Variants in SMYD3 observed in about 807,000 individuals in gnomAD.
SMYD3 encodes the protein histone-lysine N-methyltransferase SMYD3.
In SMYD3, 36 loss-of-function variants were observed where a neutral mutation model predicts 57.7. The observed-to-expected ratio is 0.62, with a 90% confidence interval of 0.48 to 0.82. The LOEUF (loss-of-function observed/expected upper bound fraction) is 0.82. SMYD3 is among the 40% of genes least tolerant of loss of function. The pLI is 0.00. For synonymous variants in SMYD3, 211 were observed against 195.0 expected (o/e 1.08, Z -0.68); for missense variants, 515 against 538.8 (o/e 0.96, Z 0.44).
intron 1 of SMYD3, among the ~76,000 whole-genome samples, chr1:246,486,531 T>G (rs112916470): frequency 0.016 from 2,468 of 152,304 alleles, 75 homozygotes; most frequent in African/African-American, 0.056. Flanking sequence ...TATAATGCTC[T>G]GGATTAAGTC....
intron 1 of SMYD3, among the ~76,000 whole-genome samples, chr1:246,395,640 CCA>C (rs1295229617): frequency 3.6e-4 from 13 of 35,734 alleles, no homozygotes; most frequent in African/African-American, 1.4e-3. Context: ...GACGAACACA[CCA>C]CAGTCAGACA....
At chr1:246,094,114 G>T (rs11580428) in intron 5 of SMYD3, among the ~76,000 whole-genome samples, 6 of 152,122 alleles carry the variant, frequency 3.9e-5, no homozygotes, top group African/African-American at 1.2e-4. Flanking sequence ...TACTCCAGCC[G>T]CTGTCATGGG....
chr1:245,830,298 G>A (rs1290173133), intron 10 of SMYD3, among the ~76,000 whole-genome samples: 3 of 152,174 alleles, frequency 2.0e-5, no homozygotes, highest in East Asian at 1.9e-4. Context: ...CACAATCATG[G>A]CGGAAGGCAA....
chr1:245,951,153 C>T (rs974232139), intron 5 of SMYD3, among the ~76,000 whole-genome samples: 5 of 152,208 alleles, frequency 3.3e-5, no homozygotes, highest in Non-Finnish European at 7.3e-5. Context: ...CTCTTATTAC[C>T]TGCAAACCAG....
intron 10 of SMYD3, among the ~76,000 whole-genome samples, chr1:245,849,634 TTTTA>T (rs1445875308): frequency 2.1e-5 from 3 of 142,404 alleles, no homozygotes; most frequent in African/African-American, 7.9e-5. Context: ...ACCATCTTTA[TTTTA>T]TTTATTTTAT....
At chr1:246,316,700 A>T (rs1378066058) in intron 5 of SMYD3, among the ~76,000 whole-genome samples, 1 of 148,070 alleles carries the variant, frequency 6.8e-6, no homozygotes, top group Non-Finnish European at 1.5e-5. Flanking sequence ...TCTTTTAAAA[A>T]ATTAAAAATT....
chr1:246,112,422 T>C (rs1342106138), intron 5 of SMYD3, among the ~76,000 whole-genome samples: 2 of 152,234 alleles, frequency 1.3e-5, no homozygotes, highest in South Asian at 2.1e-4. Flanking sequence ...GGTATAATTA[T>C]TGTATATTTG....
chr1:246,500,975 C>T (rs1230120052), intron 1 of SMYD3, among the ~76,000 whole-genome samples: 2 of 152,212 alleles, frequency 1.3e-5, no homozygotes, highest in African/African-American at 4.8e-5. Flanking sequence ...CTTTCCCAAA[C>T]CACATTATTA....
At chr1:246,243,585 C>G (rs1411013324) in intron 5 of SMYD3, among the ~76,000 whole-genome samples, 1 of 151,806 alleles carries the variant, frequency 6.6e-6, no homozygotes, top group African/African-American at 2.4e-5. Flanking sequence ...CCCAAATTAT[C>G]CATTAATCAG....
chr1:246,078,316 C>T (rs1477878363), intron 5 of SMYD3, among the ~76,000 whole-genome samples: 3 of 152,004 alleles, frequency 2.0e-5, no homozygotes, highest in Admixed American at 6.6e-5. Context: ...GACTAAAGTT[C>T]CAAACTGAAA....
intron 8 of SMYD3, among the ~76,000 whole-genome samples, chr1:245,874,687 A>C (rs2052394796): frequency 6.6e-6 from 1 of 152,158 alleles, no homozygotes; most frequent in Admixed American, 6.5e-5. Flanking sequence ...GAAAGAAATT[A>C]CTTTAATCTC....
intron 5 of SMYD3, among the ~76,000 whole-genome samples, chr1:245,991,826 G>A (rs112339722): frequency 4.7e-4 from 50 of 107,286 alleles, no homozygotes; most frequent in Middle Eastern, 5.7e-3. Context: ...CCTCAGAAAC[G>A]GCCTGCCGTC....
At chr1:245,899,604 A>G (rs1022272245) in intron 8 of SMYD3, among the ~76,000 whole-genome samples, 2 of 152,216 alleles carry the variant, frequency 1.3e-5, no homozygotes, top group African/African-American at 4.8e-5. Flanking sequence ...TCATGACACC[A>G]TTAGACCCAT....
At chr1:245,983,638 C>T (rs1437798735) in intron 5 of SMYD3, among the ~76,000 whole-genome samples, 2 of 152,186 alleles carry the variant, frequency 1.3e-5, no homozygotes, top group East Asian at 3.8e-4. Context: ...TGAATCCTTG[C>T]TCAAACATTC....
intron 5 of SMYD3, among the ~76,000 whole-genome samples, chr1:245,966,755 G>A (rs2058159751): frequency 2.0e-5 from 3 of 151,812 alleles, no homozygotes; most frequent in African/African-American, 7.3e-5. Flanking sequence ...TGGTGCTCAG[G>A]GCCCCTCTCC....
intron 1 of SMYD3, among the ~76,000 whole-genome samples, chr1:246,486,096 C>G (rs953563165): frequency 6.6e-6 from 1 of 152,188 alleles, no homozygotes; most frequent in African/African-American, 2.4e-5. Context: ...AGGCTTTACG[C>G]TGGATGCTGA....
At chr1:245,783,491 C>G (rs576263340) in intron 10 of SMYD3, among the ~76,000 whole-genome samples, 13 of 151,690 alleles carry the variant, frequency 8.6e-5, no homozygotes, top group Non-Finnish European at 1.8e-4. Context: ...GGAGAAAAAG[C>G]AAGGATGGCT....
intron 5 of SMYD3, among the ~76,000 whole-genome samples, chr1:246,070,324 A>G (rs564916647): frequency 1.3e-5 from 2 of 152,350 alleles, no homozygotes; most frequent in African/African-American, 4.8e-5. Flanking sequence ...AGAAAGTGGT[A>G]TCTAATATCG....
chr1:246,239,027 C>T (rs2063558383), intron 5 of SMYD3, among the ~76,000 whole-genome samples: 1 of 151,840 alleles, frequency 6.6e-6, no homozygotes, highest in Non-Finnish European at 1.5e-5. Flanking sequence ...CTTGAGCCCA[C>T]CACGAAAGCA....
Sources: allele counts gnomAD v4.1 joint callset (sites outside exome capture counted in the v4.1 genomes callset), GRCh38; gene constraint gnomAD v4.1.1; transcripts MANE v1.5; gene names NCBI Gene and HGNC (gene_info 2026-07-23, HGNC 2026-07-21).